The following LUZP2 variants were observed in gnomAD, a reference collection of about 807,000 sequenced individuals.
The protein encoded by LUZP2 is leucine zipper protein 2.
A neutral mutation model predicts 51.6 loss-of-function variants in LUZP2; 52 were observed. That is an observed-to-expected ratio of 1.01 (90% CI 0.81 to 1.27). The LOEUF (loss-of-function observed/expected upper bound fraction) is 1.27. Ranked by LOEUF, LUZP2 falls within the 50% of genes most tolerant of loss-of-function variation. The pLI is 0.00. For missense variants in LUZP2, 436 were observed against 395.4 expected (o/e 1.10, Z -0.87); for synonymous variants, 154 against 137.3 (o/e 1.12, Z -0.85).
At chr11:25,046,272 A>G (rs1014074953) in intron 9 of LUZP2, among the ~76,000 whole-genome samples, 14 of 151,798 alleles carry the variant, frequency 9.2e-5, no homozygotes, top group Non-Finnish European at 1.9e-4. Flanking sequence ...AGAAGGAAAG[A>G]TGAGCAGCTA....
chr11:24,729,122 A>G lies in LUZP2; in HGVS notation c.63-47A>G, dbSNP rs572616334. The G allele has an allele frequency of 5.2e-6, 5 of 967,026 alleles. No individual in the cohort carries two copies. The African/African-American group carries it at 8.3e-5, about 16-fold the overall frequency. The allele number at this position is 967,026 out of a possible 1,614,324, so 59.9% of individuals were successfully genotyped here. A position where few individuals can be genotyped will look rare whatever the true frequency, so the allele number is the denominator to read the frequency against. On this transcript the variant is annotated intron_variant, in intron 1 of 11. Transcript: ENST00000336930. ...AGTGTTAGTGATTATGACTGATGCC[A>G]AGTGGAACCATTTGGGGGGCTCTCA...
intron 7 of LUZP2, among the ~76,000 whole-genome samples, chr11:24,950,642 G>C (rs1855048067): frequency 6.6e-6 from 1 of 151,518 alleles, no homozygotes; most frequent in Non-Finnish European, 1.5e-5. Context: ...GCATTATAAA[G>C]ACCATTTTTT....
intron 9 of LUZP2, among the ~76,000 whole-genome samples, chr11:25,003,287 C>T (rs990409834): frequency 1.3e-5 from 2 of 152,190 alleles, no homozygotes; most frequent in Non-Finnish European, 2.9e-5. Flanking sequence ...TATCCCTAAA[C>T]CCTTGGGGCA....
At chr11:24,569,588 T>C (rs113620440) in intron 1 of LUZP2, among the ~76,000 whole-genome samples, 1,675 of 152,144 alleles carry the variant, frequency 0.011, 33 homozygotes, top group African/African-American at 0.039. Flanking sequence ...AATAGGAAAT[T>C]ATGCAAAATA....
chr11:24,629,723 G>T (rs745341557), intron 1 of LUZP2, among the ~76,000 whole-genome samples: 1 of 151,610 alleles, frequency 6.6e-6, no homozygotes, highest in African/African-American at 2.4e-5. Context: ...TAGTGGGATT[G>T]CTGGATTGAA....
rs540116708 is a variant in LUZP2 at position 24,639,166 on chromosome 11, T to C, written c.63-90003T>C. 7.2e-5 allele frequency among the ~76,000 whole-genome samples: 11 copies of C among 151,948 alleles called. No homozygotes were observed. In the East Asian group the frequency reaches 2.1e-3, roughly 29 times the overall value. Reference sequence around the variant, plus strand: ...CACTAGTTGCTTATTTTAGTTAATATATATTTTTCACTAAAGTAGAATCAT... The same window carrying C: ...CACTAGTTGCTTATTTTAGTTAATACATATTTTTCACTAAAGTAGAATCAT... On this transcript the variant is annotated intron_variant, in intron 1 of 11. Coordinates refer to ENST00000336930, the MANE Select transcript of LUZP2 (RefSeq NM_001009909.4).
At chr11:25,042,143 A>G (rs1226219694) in intron 9 of LUZP2, among the ~76,000 whole-genome samples, 2 of 152,174 alleles carry the variant, frequency 1.3e-5, no homozygotes, top group Non-Finnish European at 2.9e-5. Flanking sequence ...CTCATGTTAT[A>G]TATTAAAAAT....
intron 4 of LUZP2, among the ~76,000 whole-genome samples, chr11:24,739,456 G>A (rs534712752): frequency 5.9e-5 from 9 of 152,202 alleles, no homozygotes; most frequent in Admixed American, 6.6e-5. Flanking sequence ...CCTCTGAGAC[G>A]TTGGAGCATC....
At chr11:24,927,937 T>C (rs1854328901) in intron 7 of LUZP2, among the ~76,000 whole-genome samples, 1 of 152,070 alleles carries the variant, frequency 6.6e-6, no homozygotes, top group African/African-American at 2.4e-5. Flanking sequence ...TAGTTTTCCT[T>C]GTAGAGACCT....
At chr11:24,562,157 G>A (rs1357829402) in intron 1 of LUZP2, among the ~76,000 whole-genome samples, 1 of 152,048 alleles carries the variant, frequency 6.6e-6, no homozygotes, top group Non-Finnish European at 1.5e-5. Flanking sequence ...CAGAGTAACA[G>A]AGTAGGTACC....
At chr11:24,951,186 G>A (rs903141631) in intron 7 of LUZP2, among the ~76,000 whole-genome samples, 1 of 151,526 alleles carries the variant, frequency 6.6e-6, no homozygotes, top group Non-Finnish European at 1.5e-5. Flanking sequence ...TCAGGTGTAT[G>A]GGTACCAACT....
chr11:24,721,452 A>G (rs577269481), intron 1 of LUZP2, among the ~76,000 whole-genome samples: 16 of 152,332 alleles, frequency 1.1e-4, no homozygotes, highest in African/African-American at 3.8e-4. Flanking sequence ...AAAGATGTTT[A>G]TAGTATCAAT....
chr11:25,055,835 C>T (rs1237368286), intron 10 of LUZP2, among the ~76,000 whole-genome samples: 1 of 152,080 alleles, frequency 6.6e-6, no homozygotes, highest in Admixed American at 6.5e-5. Context: ...GAATATTTAA[C>T]CCTTTTAAGA....
intron 1 of LUZP2, among the ~76,000 whole-genome samples, chr11:24,725,604 G>A (rs1858445075): frequency 6.6e-6 from 1 of 151,678 alleles, no homozygotes; most frequent in Non-Finnish European, 1.5e-5. Flanking sequence ...TTGGAGAGGG[G>A]TAAATGTAAA....
rs937112046 is a variant in LUZP2, at chr11:24,575,509, G to T, written c.62+78204G>T. Among the ~76,000 whole-genome samples the T allele has an allele frequency of 3.3e-5, 5 of 152,120 alleles. No homozygotes were observed. In the South Asian group the frequency reaches 1.0e-3, roughly 32 times the overall value. On this transcript the variant is annotated intron_variant, in intron 1 of 11. Transcript: ENST00000336930. ...CATGCTATCAGCATAGATTTAGAAT[G>T]ATTCATGATTCCTATGATTCATGAT...
intron 9 of LUZP2, among the ~76,000 whole-genome samples, chr11:25,010,984 T>G (rs1051247052): frequency 3.3e-5 from 5 of 152,204 alleles, no homozygotes; most frequent in Non-Finnish European, 7.3e-5. Context: ...TAAGTGAATA[T>G]CAATTGAGCG....
intron 1 of LUZP2, among the ~76,000 whole-genome samples, chr11:24,689,489 C>A (rs1857001852): frequency 6.6e-6 from 1 of 152,134 alleles, no homozygotes; most frequent in Non-Finnish European, 1.5e-5. Flanking sequence ...ATCGCCAGCT[C>A]CAGGTGCTTT....
chr11:24,899,533 A>G (rs1853208659), intron 5 of LUZP2, among the ~76,000 whole-genome samples: 1 of 152,126 alleles, frequency 6.6e-6, no homozygotes. Context: ...AAAATATACA[A>G]TCAAATTATA....
At chr11:24,693,062 G>A (rs1034937312) in intron 1 of LUZP2, among the ~76,000 whole-genome samples, 1 of 151,444 alleles carries the variant, frequency 6.6e-6, no homozygotes. Context: ...TACCATACCA[G>A]GTACCATTGA....
Sources: allele counts gnomAD v4.1 joint callset (sites outside exome capture counted in the v4.1 genomes callset), GRCh38; gene constraint gnomAD v4.1.1; transcripts MANE v1.5; gene names NCBI Gene and HGNC (gene_info 2026-07-23, HGNC 2026-07-21).